Variants in TNNI3K observed in about 807,000 individuals in gnomAD.
TNNI3K encodes the protein serine/threonine-protein kinase TNNI3K.
TNNI3K carries 140 observed loss-of-function variants against 114.5 expected under a neutral mutation model. That is an observed-to-expected ratio of 1.22 (90% CI 1.07 to 1.41). The LOEUF (loss-of-function observed/expected upper bound fraction) is 1.41, where lower values mean the gene tolerates loss of function less well. Ranked by LOEUF, TNNI3K falls within the 40% of genes most tolerant of loss-of-function variation. The pLI is 0.00. For missense variants in TNNI3K, 1,125 were observed against 1,007.6 expected (o/e 1.12, Z -1.58); for synonymous variants, 347 against 347.5 (o/e 1.00, Z 0.02).
At chr1:74,249,609 T>C in intron 3 of TNNI3K, 65 bp downstream of exon 3, 1 of 1,479,708 alleles carries the variant, frequency 6.8e-7, no homozygotes, top group Non-Finnish European at 9.2e-7. Flanking sequence ...TGACTTGAGC[T>C]GCTTAATAGT....
chr1:74,537,643 G>A lies in TNNI3K; in HGVS notation c.2352-2591G>A, dbSNP rs559498454. Among the ~76,000 whole-genome samples, 17 of 152,302 alleles carry A rather than the reference G, an allele frequency of 1.1e-4. No individual in the cohort carries two copies. The East Asian group carries it at 3.3e-3, about 29-fold the overall frequency. The stretch of plus-strand genomic sequence containing the variant: ...TAACCCCTGTGGGGAATCTAAAGAT[G>A]TCAGACATAATCTCTGACCTCCAGG... On this transcript the variant is annotated intron_variant, in intron 23 of 24. Coordinates refer to ENST00000326637, the MANE Select transcript of TNNI3K (RefSeq NM_015978.3).
At chr1:74,386,269 C>T (rs1420877546) in intron 17 of TNNI3K, among the ~76,000 whole-genome samples, 2 of 151,832 alleles carry the variant, frequency 1.3e-5, no homozygotes, top group Admixed American at 6.6e-5. Context: ...CATCAAACAA[C>T]TGGTAGATTG....
chr1:74,417,849 T>C (rs1665204818), intron 17 of TNNI3K, among the ~76,000 whole-genome samples: 1 of 152,082 alleles, frequency 6.6e-6, no homozygotes, highest in Non-Finnish European at 1.5e-5. Flanking sequence ...CATTGCATTA[T>C]TCTGTTTTAG....
At chr1:74,235,590 C>A in intron 1 of TNNI3K, 99 bp downstream of exon 1, 2 of 663,318 alleles carry the variant, frequency 3.0e-6, no homozygotes, top group Non-Finnish European at 5.1e-6. Context: ...AATTTGTATA[C>A]GGAAGATAAG....
At chr1:74,376,877 T>G (rs2100538688) in intron 17 of TNNI3K, 1 of 144,904 alleles carries the variant, frequency 6.9e-6, no homozygotes, top group South Asian at 2.3e-4. Context: ...TCAGCATGTC[T>G]TACGTTGGGC....
intron 5 of TNNI3K, among the ~76,000 whole-genome samples, chr1:74,292,660 AATATGC>A (rs1657753032): frequency 6.6e-6 from 1 of 151,584 alleles, no homozygotes; most frequent in African/African-American, 2.4e-5. Flanking sequence ...TCTTGAAGTG[AATATGC>A]ATTCTGCAGT....
intron 5 of TNNI3K, among the ~76,000 whole-genome samples, chr1:74,275,960 A>T (rs1202389597): frequency 1.3e-5 from 2 of 152,110 alleles, no homozygotes; most frequent in Non-Finnish European, 2.9e-5. Context: ...ACAGGGACTA[A>T]TTGAGAAAAT....
At chr1:74,524,159 C>A (rs1229195138) in intron 23 of TNNI3K, among the ~76,000 whole-genome samples, 5 of 152,322 alleles carry the variant, frequency 3.3e-5, no homozygotes, top group African/African-American at 4.8e-5. Flanking sequence ...CCAGTGAATT[C>A]TTCTTTGTGA....
intron 12 of TNNI3K, among the ~76,000 whole-genome samples, chr1:74,367,657 A>G (rs1662346088): frequency 6.6e-6 from 1 of 151,916 alleles, no homozygotes; most frequent in Non-Finnish European, 1.5e-5. Context: ...TCAGTAATCT[A>G]TTACTGAATA....
intron 5 of TNNI3K, among the ~76,000 whole-genome samples, chr1:74,281,257 A>G (rs1015529171): frequency 1.2e-4 from 18 of 152,100 alleles, no homozygotes; most frequent in African/African-American, 4.1e-4. Context: ...TCTCAGCTAT[A>G]GGAAAGTAAT....
At chr1:74,498,835 C>G (rs973468460) in intron 23 of TNNI3K, among the ~76,000 whole-genome samples, 8 of 152,180 alleles carry the variant, frequency 5.3e-5, no homozygotes, top group African/African-American at 1.9e-4. Flanking sequence ...CTACCACATT[C>G]ATTCCCTGTG....
intron 5 of TNNI3K, among the ~76,000 whole-genome samples, chr1:74,303,317 C>G (rs953051732): frequency 6.6e-6 from 1 of 152,070 alleles, no homozygotes; most frequent in African/African-American, 2.4e-5. Flanking sequence ...CACCTGCCAC[C>G]ATGCCCAGAT....
In TNNI3K at chr1:74,369,137, A is replaced by AT. The variant is rs45497900; in HGVS notation, c.1414+24dup. ...CAGGTAACCTAAAATAAATAAATAA[A>AT]TAAAGGTCCGGTTTAGTTGAATGAG... On this transcript the variant is annotated intron_variant, in intron 14 of 24. Coordinates refer to ENST00000326637, the MANE Select transcript of TNNI3K (RefSeq NM_015978.3). The AT allele has an allele frequency of 2.7e-3, 4,351 of 1,598,760 alleles. 123 individuals carry two copies. The African/African-American group carries it at 0.054, about 20-fold the overall frequency.
At chr1:74,348,135 A>C (rs1397721779) in intron 9 of TNNI3K, among the ~76,000 whole-genome samples, 1 of 152,136 alleles carries the variant, frequency 6.6e-6, no homozygotes, top group Non-Finnish European at 1.5e-5. Flanking sequence ...TTTTAGGTCT[A>C]ACATGTAAGT....
intron 5 of TNNI3K, among the ~76,000 whole-genome samples, chr1:74,317,228 G>T (rs1036363740): frequency 3.9e-5 from 6 of 152,182 alleles, no homozygotes; most frequent in African/African-American, 1.2e-4. Flanking sequence ...GGTTGGAAGA[G>T]AATCACTGAG....
intron 2 of TNNI3K, among the ~76,000 whole-genome samples, chr1:74,248,887 A>G (rs1654754953): frequency 6.6e-6 from 1 of 152,142 alleles, no homozygotes; most frequent in African/African-American, 2.4e-5. Context: ...AACTATGATC[A>G]AATATATTTT....
In TNNI3K at chr1:74,435,211, T is replaced by C. The variant is rs1431269348; in HGVS notation, c.1773-869T>C. On this transcript the variant is annotated intron_variant, in intron 17 of 24. Coordinates refer to ENST00000326637, the MANE Select transcript of TNNI3K (RefSeq NM_015978.3). The stretch of plus-strand genomic sequence containing the variant: ...AATAGTCCACAATTAAATTTACTAA[T>C]TATGGGGAAGAGTAAGCTCTCTTTG... 2.0e-5 allele frequency among the ~76,000 whole-genome samples: 3 copies of C among 152,034 alleles called. No individual in the cohort carries two copies. The East Asian group carries it at 5.8e-4, about 29-fold the overall frequency.
At chr1:74,385,641 A>G (rs566368734) in intron 17 of TNNI3K, among the ~76,000 whole-genome samples, 2 of 152,326 alleles carry the variant, frequency 1.3e-5, no homozygotes. Flanking sequence ...CTAAGATGGC[A>G]TTGATGAATA....
At chr1:74,467,263 G>A (rs1667719870) in intron 21 of TNNI3K, among the ~76,000 whole-genome samples, 1 of 152,162 alleles carries the variant, frequency 6.6e-6, no homozygotes, top group Non-Finnish European at 1.5e-5. Context: ...TTTGAAACAA[G>A]TTCATCTTTA....
Sources: allele counts gnomAD v4.1 joint callset (sites outside exome capture counted in the v4.1 genomes callset), GRCh38; gene constraint gnomAD v4.1.1; transcripts MANE v1.5; gene names NCBI Gene and HGNC (gene_info 2026-07-23, HGNC 2026-07-21).